Variants in ADGRL3 observed in about 807,000 individuals in gnomAD.
The protein encoded by ADGRL3 is adhesion G protein-coupled receptor L3, also known as calcium-independent alpha-latrotoxin receptor 3.
A neutral mutation model predicts 153.5 loss-of-function variants in ADGRL3; 62 were observed. The ratio of observed to expected loss-of-function variants is 0.40; its 90% CI spans 0.33 to 0.50. The LOEUF (loss-of-function observed/expected upper bound fraction) is 0.50, where lower values mean the gene tolerates loss of function less well. ADGRL3 is among the 20% of genes least tolerant of loss of function. ADGRL3 has a pLI of 0.47. For synonymous variants in ADGRL3, 710 were observed against 672.5 expected, an observed-to-expected ratio of 1.06 and a Z score of -0.86; for missense variants, 1,641 against 1,859.4, an observed-to-expected ratio of 0.88 and a Z score of 2.16.
At chr4:61,348,864 T>C (rs2095981691) in intron 1 of ADGRL3, among the ~76,000 whole-genome samples, 1 of 152,002 alleles carries the variant, frequency 6.6e-6, no homozygotes, top group African/African-American at 2.4e-5. Context: ...TAGCTAAATC[T>C]GTCTTGAGGA....
intron 1 of ADGRL3, among the ~76,000 whole-genome samples, chr4:61,319,217 A>G (rs755461830): frequency 6.6e-6 from 1 of 152,140 alleles, no homozygotes; most frequent in Non-Finnish European, 1.5e-5. Context: ...GAAACCAGAA[A>G]AACACCACTC....
At chr4:61,454,433 A>C (rs559083410) in intron 2 of ADGRL3, among the ~76,000 whole-genome samples, 7 of 152,300 alleles carry the variant, frequency 4.6e-5, no homozygotes, top group African/African-American at 1.7e-4. Flanking sequence ...GTAAAGATTT[A>C]TTTTTAAAAC....
intron 1 of ADGRL3, among the ~76,000 whole-genome samples, chr4:61,236,112 C>A (rs975410618): frequency 3.4e-5 from 5 of 145,304 alleles, no homozygotes; most frequent in Non-Finnish European, 4.5e-5. Flanking sequence ...TGGGTCCAAG[C>A]GATTCTCCTG....
At chr4:61,376,669 A>ATT (rs917570563) in intron 1 of ADGRL3, among the ~76,000 whole-genome samples, 1 of 152,118 alleles carries the variant, frequency 6.6e-6, no homozygotes, top group African/African-American at 2.4e-5. Context: ...TCTGCTGTGT[A>ATT]TTTTACCATC....
At chr4:61,663,268 C>T (rs1402917940) in intron 5 of ADGRL3, among the ~76,000 whole-genome samples, 1 of 152,206 alleles carries the variant, frequency 6.6e-6, no homozygotes, top group African/African-American at 2.4e-5. Flanking sequence ...CTCCCTGAGC[C>T]AGGGCTGTGA....
intron 1 of ADGRL3, among the ~76,000 whole-genome samples, chr4:61,332,611 T>C (rs907015953): frequency 6.6e-6 from 1 of 152,140 alleles, no homozygotes; most frequent in Non-Finnish European, 1.5e-5. Context: ...TTTCTCGTGA[T>C]TTATCTTTTT....
chr4:61,863,277 G>A lies in ADGRL3; in HGVS notation c.1481-29379G>A, dbSNP rs1488982315. ...TTTTGAGACGGAGTCTCGCTCTGTC[G>A]CCCAGGCTGGAGTGCAGTGGCGGGA... On this transcript the variant is annotated intron_variant, in intron 9 of 26. Transcript: ENST00000683033. 4.4e-5 allele frequency among the ~76,000 whole-genome samples: 5 copies of A among 113,856 alleles called. No individual in the cohort carries two copies. The South Asian group carries it at 1.2e-3, about 27-fold the overall frequency. The allele number at this position is 113,856 out of a possible 152,430, so 74.7% of individuals were successfully genotyped here. A position where few individuals can be genotyped will look rare whatever the true frequency, so the allele number is the denominator to read the frequency against.
At chr4:61,515,438 A>T (rs199844790) in intron 3 of ADGRL3, among the ~76,000 whole-genome samples, 2 of 151,890 alleles carry the variant, frequency 1.3e-5, no homozygotes, top group South Asian at 4.1e-4. Flanking sequence ...TTTATATGGT[A>T]TTTTTTCTCT....
intron 8 of ADGRL3, among the ~76,000 whole-genome samples, chr4:61,767,509 C>T (rs1211234540): frequency 1.3e-5 from 2 of 152,044 alleles, no homozygotes; most frequent in African/African-American, 4.8e-5. Context: ...ACCCGAAGCT[C>T]GGCGTCCGTG....
chr4:61,635,169 C>T (rs1198843302), intron 5 of ADGRL3, among the ~76,000 whole-genome samples: 1 of 152,074 alleles, frequency 6.6e-6, no homozygotes, highest in Non-Finnish European at 1.5e-5. Flanking sequence ...ATCCCCCTTC[C>T]CATCATAGGT....
chr4:61,945,706 C>G (rs372643686), intron 15 of ADGRL3, among the ~76,000 whole-genome samples: 1 of 150,278 alleles, frequency 6.7e-6, no homozygotes, highest in East Asian at 2.0e-4. Flanking sequence ...TTTCCAGGTG[C>G]GTCCGTCACC....
chr4:61,732,294 A>G (rs1255314307), intron 7 of ADGRL3, among the ~76,000 whole-genome samples: 1 of 152,148 alleles, frequency 6.6e-6, no homozygotes, highest in African/African-American at 2.4e-5. Context: ...AAAAATTACT[A>G]TGAGATATTC....
At chr4:61,599,740 A>C (rs889739977) in intron 5 of ADGRL3, among the ~76,000 whole-genome samples, 4 of 152,148 alleles carry the variant, frequency 2.6e-5, no homozygotes, top group Admixed American at 6.5e-5. Flanking sequence ...TCTGGTTTCT[A>C]TGGCTAGCCT....
chr4:61,233,028 G>C (rs868804712), intron 1 of ADGRL3, among the ~76,000 whole-genome samples: 16 of 152,196 alleles, frequency 1.1e-4, no homozygotes, highest in Admixed American at 4.6e-4. Context: ...TTATGTGCTT[G>C]AATATTTGTA....
At chr4:61,616,147 T>A (rs1002517046) in intron 5 of ADGRL3, among the ~76,000 whole-genome samples, 1 of 152,138 alleles carries the variant, frequency 6.6e-6, no homozygotes, top group Non-Finnish European at 1.5e-5. Context: ...AAAATATGAA[T>A]TTGAATAAGT....
chr4:61,458,075 T>C (rs2097773289), intron 2 of ADGRL3, among the ~76,000 whole-genome samples: 1 of 151,868 alleles, frequency 6.6e-6, no homozygotes, highest in African/African-American at 2.4e-5. Context: ...TGTTTGCAGA[T>C]AGCAACTACC....
At chr4:61,463,649 C>A (rs1225172204) in intron 2 of ADGRL3, among the ~76,000 whole-genome samples, 1 of 151,962 alleles carries the variant, frequency 6.6e-6, no homozygotes, top group African/African-American at 2.4e-5. Context: ...ACTTTAAGGG[C>A]ACAACACTCT....
chr4:61,387,439 G>A lies in ADGRL3; in HGVS notation c.-174+4250G>A, dbSNP rs144270875. 1.0e-3 allele frequency among the ~76,000 whole-genome samples: 156 copies of A among 152,130 alleles called. 1 individual carries two copies. The highest frequency in any genetic ancestry group is 3.6e-3 in the African/African-American group (151 of 41,492). ...GGAATTTCCTCTTCATAATAAACCTGGGATCACTATGGGAGACTGGAGTTT... is the reference window on the plus strand; with the variant it reads ...GGAATTTCCTCTTCATAATAAACCTAGGATCACTATGGGAGACTGGAGTTT... On this transcript the variant is annotated intron_variant, in intron 2 of 26. Transcript: ENST00000683033.
chr4:61,253,690 T>TA (rs1371377277), intron 1 of ADGRL3, among the ~76,000 whole-genome samples: 2 of 31,988 alleles, frequency 6.3e-5, no homozygotes, highest in Non-Finnish European at 5.5e-5. Flanking sequence ...TATGTTCAGT[T>TA]CCACACACAC....
Sources: allele counts gnomAD v4.1 joint callset (sites outside exome capture counted in the v4.1 genomes callset), GRCh38; gene constraint gnomAD v4.1.1; transcripts MANE v1.5; gene names NCBI Gene and HGNC (gene_info 2026-07-23, HGNC 2026-07-21).